Variants in USH2A observed in about 807,000 individuals in gnomAD.
The protein encoded by USH2A is Usher syndrome 2A (autosomal recessive, mild).
USH2A carries 443 observed loss-of-function variants against 538.9 expected under a neutral mutation model. That is an observed-to-expected ratio of 0.82 (90% CI 0.76 to 0.89). The LOEUF is 0.89. Among genes scored for constraint, USH2A ranks in the 40% least tolerant of loss-of-function variants. USH2A has a pLI of 0.00. For missense variants in USH2A, 6,633 were observed against 6,324.8 expected (o/e 1.05, Z -1.65); for synonymous variants, 2,413 against 2,273.5 (o/e 1.06, Z -1.75).
chr1:216,376,387 G>A (rs12239229), intron 3 of USH2A, among the ~76,000 whole-genome samples: 2,829 of 152,036 alleles, frequency 0.019, 97 homozygotes, highest in African/African-American at 0.062. Flanking sequence ...ATAGAGGGTA[G>A]TGAATAAGTT....
At chr1:216,167,232 C>G (rs2034188312) in intron 21 of USH2A, among the ~76,000 whole-genome samples, 1 of 152,022 alleles carries the variant, frequency 6.6e-6, no homozygotes, top group Non-Finnish European at 1.5e-5. Context: ...GAAGCACCGC[C>G]CCCCACAACG....
chr1:216,119,426 C>T (rs564420499), intron 21 of USH2A, among the ~76,000 whole-genome samples: 1 of 151,486 alleles, frequency 6.6e-6, no homozygotes. Context: ...TCTAATATTA[C>T]AGTATATAAT....
intron 21 of USH2A, 119 bp from the exon 22 acceptor site, chr1:216,097,332 A>G (rs1037735462): frequency 6.5e-7 from 1 of 1,544,290 alleles, no homozygotes. Flanking sequence ...GAAATTATAC[A>G]CAGCAATATA....
intron 37 of USH2A, among the ~76,000 whole-genome samples, chr1:215,957,021 G>T (rs961701292): frequency 6.6e-6 from 1 of 152,062 alleles, no homozygotes; most frequent in African/African-American, 2.4e-5. Flanking sequence ...TTGTAGTCCA[G>T]AAAAAATGCC....
chr1:216,016,817 C>T (rs1218078391), intron 32 of USH2A, among the ~76,000 whole-genome samples: 2 of 146,232 alleles, frequency 1.4e-5, no homozygotes, highest in Non-Finnish European at 3.0e-5. Flanking sequence ...GTAGGGGAGC[C>T]CAGCCTGCTG....
At chr1:215,908,408 A>C (rs555988445) in intron 38 of USH2A, among the ~76,000 whole-genome samples, 1 of 152,078 alleles carries the variant, frequency 6.6e-6, no homozygotes, top group Admixed American at 6.6e-5. Context: ...AACAAATGAT[A>C]AAATTTAGTT....
At chr1:216,009,965 C>A (rs1378203119) in intron 32 of USH2A, among the ~76,000 whole-genome samples, 3 of 152,166 alleles carry the variant, frequency 2.0e-5, no homozygotes, top group African/African-American at 7.2e-5. Flanking sequence ...GGTCGCTCGG[C>A]ATCAACCCTG....
chr1:215,993,314 AG>A, intron 34 of USH2A, 147 bp from the exon 35 acceptor site: 1 of 1,276,648 alleles, frequency 7.8e-7, no homozygotes, highest in Non-Finnish European at 1.1e-6. Context: ...TTCAGTGTTA[AG>A]ATTTAACATT....
Position 215,950,809 on chromosome 1 carries a change from A to G in USH2A, c.7120+14508T>C, listed in dbSNP as rs529732026. Among the ~76,000 whole-genome samples, 6 of 152,220 alleles carry G rather than the reference A, an allele frequency of 3.9e-5. No homozygotes were observed. In the South Asian group the frequency reaches 1.0e-3, roughly 26 times the overall value. ...AGGCATGAGCCCCTGCACCTGGTCT[A>G]ACTGGTACCATTTTAACAAAACTGT... is the stretch of plus-strand genomic sequence containing the variant. On this transcript the variant is annotated intron_variant, in intron 37 of 71. Transcript: ENST00000307340.
intron 3 of USH2A, among the ~76,000 whole-genome samples, chr1:216,375,732 C>T (rs570528310): frequency 6.6e-6 from 1 of 152,260 alleles, no homozygotes; most frequent in African/African-American, 2.4e-5. Flanking sequence ...GACTAGCTTT[C>T]AACCTGTCAA....
At chr1:216,242,878 T>G (rs2035964920) in intron 13 of USH2A, among the ~76,000 whole-genome samples, 2 of 152,214 alleles carry the variant, frequency 1.3e-5, no homozygotes, top group South Asian at 4.1e-4. Flanking sequence ...CAAATTATTC[T>G]GTCAGTTTCC....
chr1:215,857,758 A>G (rs1291528182), intron 44 of USH2A, among the ~76,000 whole-genome samples: 1 of 152,200 alleles, frequency 6.6e-6, no homozygotes, highest in African/African-American at 2.4e-5. Context: ...CTCTGTGGCC[A>G]GAGGTCTCTC....
intron 9 of USH2A, among the ~76,000 whole-genome samples, chr1:216,301,717 T>A (rs1412347893): frequency 6.6e-6 from 1 of 152,224 alleles, no homozygotes; most frequent in Non-Finnish European, 1.5e-5. Context: ...TATAAAATGA[T>A]CACTTTTTAG....
chr1:215,833,131 C>T (rs997915201), intron 47 of USH2A, among the ~76,000 whole-genome samples: 2 of 151,954 alleles, frequency 1.3e-5, no homozygotes, highest in Non-Finnish European at 1.5e-5. Context: ...TGTCAATTCT[C>T]TACCAATTGA....
chr1:216,113,342 G>A lies in USH2A; in HGVS notation c.4628-16129C>T, dbSNP rs541407065. On this transcript the variant is annotated intron_variant, in intron 21 of 71. Transcript: ENST00000307340. ...AATGAACTGAAATTGTCATCTAACC[G>A]CCTTTTCATTTCTGAGTTCACTGCA... is the stretch of plus-strand genomic sequence containing the variant. Among the ~76,000 whole-genome samples, 194 of 151,994 alleles carry A rather than the reference G, an allele frequency of 1.3e-3. 2 individuals are homozygous for A. Among genetic ancestry groups the A allele is most frequent in the Non-Finnish European group, 2.4e-3 (164 of 67,914 alleles).
chr1:215,802,145 TA>T (rs1328650558), intron 49 of USH2A, among the ~76,000 whole-genome samples: 1 of 151,928 alleles, frequency 6.6e-6, no homozygotes, highest in East Asian at 1.9e-4. Context: ...GATCTAGATG[TA>T]AAAGCTAAAA....
At position 215,659,693 on chromosome 1, in the gene USH2A, T is replaced by C. The variant is rs1333667234; in HGVS notation, c.14134-8892A>G. On this transcript the variant is annotated intron_variant, in intron 64 of 71. Transcript: ENST00000307340. ...AATTTTACAGATAAGAAAACTGAGG[T>C]TTAGTGAGTTTAAATTAATAGCTGA... is the stretch of plus-strand genomic sequence containing the variant. Among the ~76,000 whole-genome samples, 10 of 151,642 alleles carry C rather than the reference T, an allele frequency of 6.6e-5. No homozygotes were observed. In the South Asian group the frequency reaches 8.3e-4, roughly 13 times the overall value.
At chr1:215,789,043 T>A (rs1275433986) in intron 51 of USH2A, among the ~76,000 whole-genome samples, 1 of 152,146 alleles carries the variant, frequency 6.6e-6, no homozygotes, top group Non-Finnish European at 1.5e-5. Flanking sequence ...AAAAATCCCA[T>A]GGTGATCCAT....
chr1:215,967,652 T>C (rs1667384441), intron 36 of USH2A, among the ~76,000 whole-genome samples: 1 of 152,116 alleles, frequency 6.6e-6, no homozygotes, highest in Non-Finnish European at 1.5e-5. Flanking sequence ...TTTAAGCAGG[T>C]TGAAGGCAGA....
Sources: gnomAD v4.1 joint callset for allele counts (sites outside exome capture counted in the v4.1 genomes callset) on GRCh38, gnomAD v4.1.1 for gene constraint, MANE v1.5 for transcripts, NCBI Gene and HGNC (gene_info 2026-07-23, HGNC 2026-07-21) for gene names.